Variants in DSCAM observed in about 807,000 individuals in gnomAD.
DSCAM encodes DS cell adhesion molecule.
DSCAM carries 47 observed loss-of-function variants against 217.7 expected under a neutral mutation model. The ratio of observed to expected loss-of-function variants is 0.22; its 90% CI spans 0.17 to 0.28. DSCAM has a LOEUF of 0.28. DSCAM is among the 10% of genes least tolerant of loss of function. The pLI is 1.00. For missense variants in DSCAM, 2,080 were observed against 2,618.3 expected (o/e 0.79, Z 4.49); for synonymous variants, 1,056 against 1,015.3 (o/e 1.04, Z -0.76).
intron 11 of DSCAM, among the ~76,000 whole-genome samples, chr21:40,249,666 CTG>C (rs1013298676): frequency 6.6e-5 from 10 of 152,188 alleles, no homozygotes; most frequent in African/African-American, 2.4e-4. Flanking sequence ...AGCTGTCTCT[CTG>C]GAGTGTGTGA....
intron 3 of DSCAM, among the ~76,000 whole-genome samples, chr21:40,683,361 A>G (rs750716445): frequency 1.3e-5 from 2 of 152,188 alleles, no homozygotes; most frequent in Non-Finnish European, 2.9e-5. Flanking sequence ...AATACTCACT[A>G]CTATAAACTA....
chr21:40,433,767 T>TGTCACCTGAGTTGGATGAG (rs541200430), intron 3 of DSCAM, among the ~76,000 whole-genome samples: 6 of 152,182 alleles, frequency 3.9e-5, no homozygotes, highest in East Asian at 1.9e-4. Context: ...AGGTAGATGA[T>TGTCACCTGAGTTGGATGAG]GTCACCTGAG....
intron 3 of DSCAM, among the ~76,000 whole-genome samples, chr21:40,605,281 GT>G (rs1295637520): frequency 6.6e-6 from 1 of 152,122 alleles, no homozygotes; most frequent in Non-Finnish European, 1.5e-5. Flanking sequence ...CTCATTCTCT[GT>G]GTTGACCTGT....
intron 27 of DSCAM, among the ~76,000 whole-genome samples, chr21:40,063,967 G>A (rs1225277857): frequency 6.6e-6 from 1 of 152,012 alleles, no homozygotes; most frequent in Non-Finnish European, 1.5e-5. Flanking sequence ...CCTGGGCAAT[G>A]AAACAGGGCC....
chr21:40,549,594 C>A (rs1312155649), intron 3 of DSCAM, among the ~76,000 whole-genome samples: 7 of 152,136 alleles, frequency 4.6e-5, no homozygotes, highest in Admixed American at 1.3e-4. Context: ...TAATAGGCTG[C>A]CAACCACACT....
chr21:40,605,455 A>C (rs150174369), intron 3 of DSCAM, among the ~76,000 whole-genome samples: 26 of 152,334 alleles, frequency 1.7e-4, no homozygotes, highest in African/African-American at 5.3e-4. Flanking sequence ...CAAAGTCAGC[A>C]AACTTTTTCT....
chr21:40,325,030 G>GTT (rs144461900), intron 8 of DSCAM, among the ~76,000 whole-genome samples: 50 of 152,164 alleles, frequency 3.3e-4, no homozygotes, highest in African/African-American at 1.2e-3. Context: ...TTTCCAATTA[G>GTT]TTTTTTTACA....
intron 6 of DSCAM, among the ~76,000 whole-genome samples, chr21:40,343,873 A>T (rs1362445741): frequency 2.7e-5 from 4 of 148,484 alleles, no homozygotes; most frequent in South Asian, 2.1e-4. Flanking sequence ...TTTATTTTTT[A>T]TTTTATTATT....
intron 3 of DSCAM, among the ~76,000 whole-genome samples, chr21:40,501,840 C>A (rs1198775224): frequency 6.6e-6 from 1 of 152,218 alleles, no homozygotes. Flanking sequence ...GATCCACCCC[C>A]ACCTTGGCCT....
intron 3 of DSCAM, among the ~76,000 whole-genome samples, chr21:40,500,144 G>A (rs992228789): frequency 2.6e-5 from 4 of 152,264 alleles, no homozygotes; most frequent in African/African-American, 7.2e-5. Flanking sequence ...GGAGAAAAGG[G>A]AGATTGCAGG....
chr21:40,563,753 T>C (rs1283017193), intron 3 of DSCAM, among the ~76,000 whole-genome samples: 1 of 138,568 alleles, frequency 7.2e-6, no homozygotes, highest in Non-Finnish European at 1.6e-5. Flanking sequence ...TAGTTATATG[T>C]TTATATATGT....
chr21:40,509,550 A>G (rs1270307134), intron 3 of DSCAM, among the ~76,000 whole-genome samples: 1 of 152,182 alleles, frequency 6.6e-6, no homozygotes, highest in Non-Finnish European at 1.5e-5. Context: ...CAGTACTTTC[A>G]CCCCACTGGC....
At chr21:40,484,549 T>A (rs1449991978) in intron 3 of DSCAM, among the ~76,000 whole-genome samples, 1 of 152,152 alleles carries the variant, frequency 6.6e-6, no homozygotes, top group Non-Finnish European at 1.5e-5. Flanking sequence ...AATATTTGAC[T>A]CAATGTTCAT....
At chr21:40,727,567 C>G (rs886856121) in intron 1 of DSCAM, among the ~76,000 whole-genome samples, 7 of 152,124 alleles carry the variant, frequency 4.6e-5, no homozygotes, top group Non-Finnish European at 7.3e-5. Flanking sequence ...CAATAAGTCT[C>G]TTAGCTGTAC....
chr21:40,771,345 A>G (rs2091443357), intron 1 of DSCAM, among the ~76,000 whole-genome samples: 1 of 152,190 alleles, frequency 6.6e-6, no homozygotes, highest in African/African-American at 2.4e-5. Flanking sequence ...AATGATTGAA[A>G]CGGATGGAGG....
chr21:40,170,138 C>A (rs983650016), intron 15 of DSCAM, among the ~76,000 whole-genome samples: 5 of 152,170 alleles, frequency 3.3e-5, no homozygotes, highest in Non-Finnish European at 7.3e-5. Context: ...CCAAAACACA[C>A]GGGACCCCTG....
intron 1 of DSCAM, among the ~76,000 whole-genome samples, chr21:40,749,775 A>G (rs2091209244): frequency 6.6e-6 from 1 of 152,170 alleles, no homozygotes; most frequent in Non-Finnish European, 1.5e-5. Flanking sequence ...TCTGTACTCC[A>G]TGTTTACTCC....
rs200151794 is a variant in DSCAM at position 40,251,394 on chromosome 21, A to AT, written c.2356+24702dup. On this transcript the variant is annotated intron_variant, in intron 11 of 32. Transcript: ENST00000400454. ...CACAAGGAGATTTATCACTATATTAATTTTTTTTTGTGAGGGAGGGTTTTT... is the reference window on the plus strand; with the variant it reads ...CACAAGGAGATTTATCACTATATTAATTTTTTTTTTGTGAGGGAGGGTTTTT... 7.4e-3 allele frequency among the ~76,000 whole-genome samples: 1,128 copies of AT among 151,878 alleles called. 10 individuals carry two copies. Among genetic ancestry groups the AT allele is most frequent in the African/African-American group, 0.022 (918 of 41,410 alleles).
intron 3 of DSCAM, among the ~76,000 whole-genome samples, chr21:40,661,165 C>T (rs1157734634): frequency 1.3e-5 from 2 of 152,102 alleles, no homozygotes; most frequent in South Asian, 4.1e-4. Flanking sequence ...TCTTAGCATG[C>T]ACGATATCAT....
Sources: allele counts gnomAD v4.1 joint callset (sites outside exome capture counted in the v4.1 genomes callset), GRCh38; gene constraint gnomAD v4.1.1; transcripts MANE v1.5; gene names NCBI Gene and HGNC (gene_info 2026-07-23, HGNC 2026-07-21).